The following RPS6KA2 variants were observed in gnomAD, a reference collection of about 807,000 sequenced individuals.
RPS6KA2 encodes the protein ribosomal protein S6 kinase alpha-2.
RPS6KA2 carries 42 observed loss-of-function variants against 91.8 expected under a neutral mutation model. That is an observed-to-expected ratio of 0.46 (90% CI 0.36 to 0.59). The LOEUF (loss-of-function observed/expected upper bound fraction) is 0.59, where lower values mean the gene tolerates loss of function less well. Among genes scored for constraint, RPS6KA2 ranks in the 20% least tolerant of loss-of-function variants. The pLI, the probability that RPS6KA2 is intolerant of heterozygous loss-of-function variation, is 0.00. For synonymous variants in RPS6KA2, 414 were observed against 393.6 expected (o/e 1.05, Z -0.61); for missense variants, 798 against 978.5 (o/e 0.82, Z 2.46).
intron 2 of RPS6KA2, among the ~76,000 whole-genome samples, chr6:166,707,742 C>G (rs374996931): frequency 3.7e-4 from 57 of 152,118 alleles, no homozygotes; most frequent in East Asian, 1.5e-3. Context: ...TTCTTTCTCT[C>G]TCTCTCTCTC....
chr6:166,672,799 GA>G lies in RPS6KA2; in HGVS notation c.124-134016del, dbSNP rs1788507429. On this transcript the variant is annotated intron_variant, in intron 2 of 21. Transcript: ENST00000503859. The stretch of plus-strand genomic sequence containing the variant: ...CTGCTTCTGTGTGTAGTGGGGACAG[GA>G]AATCCTTGCCTCCTTCACAGATATT... Among the ~76,000 whole-genome samples the G allele has an allele frequency of 3.9e-5, 6 of 152,214 alleles. No individual in the cohort carries two copies. The South Asian group carries it at 1.2e-3, about 32-fold the overall frequency.
intron 2 of RPS6KA2, among the ~76,000 whole-genome samples, chr6:166,691,140 T>C (rs1789195566): frequency 2.0e-5 from 3 of 152,128 alleles, no homozygotes; most frequent in Admixed American, 1.3e-4. Flanking sequence ...GTCATAATGT[T>C]GCTTCTCCTT....
At chr6:166,820,813 AAAGT>A (rs1478412226) in intron 2 of RPS6KA2, among the ~76,000 whole-genome samples, 3 of 152,364 alleles carry the variant, frequency 2.0e-5, no homozygotes, top group Non-Finnish European at 2.9e-5. Flanking sequence ...TCCTTAACAA[AAAGT>A]AATTAACCCA....
Position 166,682,493 on chromosome 6 carries a change from G to A in RPS6KA2, c.124-143709C>T, listed in dbSNP as rs534513244. On this transcript the variant is annotated intron_variant, in intron 2 of 21. Transcript: ENST00000503859. Reference sequence around the variant, plus strand: ...ATAGAGAGGGTGAGACAGCCCTGGGGAAAGGCAGGGGCAGGGAGCAAGCTC... The same window carrying A: ...ATAGAGAGGGTGAGACAGCCCTGGGAAAAGGCAGGGGCAGGGAGCAAGCTC... 2.3e-4 allele frequency among the ~76,000 whole-genome samples: 35 copies of A among 152,294 alleles called. No individual in the cohort carries two copies. The South Asian group carries it at 7.0e-3, about 31-fold the overall frequency.
At chr6:166,743,371 C>A (rs1327929498) in intron 2 of RPS6KA2, among the ~76,000 whole-genome samples, 2 of 152,216 alleles carry the variant, frequency 1.3e-5, no homozygotes, top group African/African-American at 4.8e-5. Flanking sequence ...GCCCACAGAA[C>A]GCCCAGCAAC....
intron 10 of RPS6KA2, among the ~76,000 whole-genome samples, chr6:166,478,635 C>T (rs541374416): frequency 2.0e-4 from 31 of 152,320 alleles, no homozygotes; most frequent in Middle Eastern, 3.4e-3. Context: ...TGTGGCTCCT[C>T]GGCTATTGTG....
At chr6:166,523,879 A>G (rs1311216839) in intron 3 of RPS6KA2, among the ~76,000 whole-genome samples, 1 of 152,160 alleles carries the variant, frequency 6.6e-6, no homozygotes, top group Non-Finnish European at 1.5e-5. Flanking sequence ...AGGAGGTTCT[A>G]TTTCAAGATG....
Position 166,500,759 on chromosome 6 carries a change from CA to C in RPS6KA2, c.604+127del. 1 of 853,498 alleles carries C rather than the reference CA, an allele frequency of 1.2e-6. No individual in the cohort carries two copies. Among genetic ancestry groups the C allele is most frequent in the African/African-American group, 1.7e-5 (1 of 59,206 alleles). 52.9% of individuals were successfully genotyped at this position (853,498 alleles called of 1,614,324 possible). A position where few individuals can be genotyped will look rare whatever the true frequency, so the allele number is the denominator to read the frequency against. On this transcript the variant is annotated intron_variant, in intron 7 of 20. Coordinates refer to ENST00000265678, the MANE Select transcript of RPS6KA2 (RefSeq NM_021135.6). This position sits in a 1 kb window ranked among gnomAD's most constrained non-coding sequence, Gnocchi z 4.3. ...AGTCTGTAGCTATAGAAAATTCTGC[CA>C]AATCAGAGACAAGCATCTGGCAAAG...
upstream of RPS6KA2, among the ~76,000 whole-genome samples, chr6:166,629,726 TAA>T (rs1361684333): frequency 6.6e-6 from 1 of 152,158 alleles, no homozygotes; most frequent in Non-Finnish European, 1.5e-5. Context: ...GAAGAGAAGA[TAA>T]AGAGCTTGGT....
At chr6:166,503,732 A>C (rs886718555) in intron 6 of RPS6KA2, among the ~76,000 whole-genome samples, 23 of 152,252 alleles carry the variant, frequency 1.5e-4, no homozygotes, top group African/African-American at 5.5e-4. Context: ...GATCACTCCT[A>C]GTTATGTGTC....
chr6:166,660,391 TGC>T (rs1554244387), intron 2 of RPS6KA2, among the ~76,000 whole-genome samples: 63 of 86,196 alleles, frequency 7.3e-4, no homozygotes, highest in Non-Finnish European at 1.1e-3. Context: ...TGTATGGGCA[TGC>T]GTGCGTGTGT....
chr6:166,753,590 C>T (rs1278651825), intron 2 of RPS6KA2, among the ~76,000 whole-genome samples: 1 of 152,174 alleles, frequency 6.6e-6, no homozygotes, highest in Admixed American at 6.5e-5. Context: ...TAAAATCACA[C>T]AGCAGTTTAA....
In RPS6KA2 at chr6:166,787,853, G is replaced by A. The variant is rs4710099; in HGVS notation, c.123+70347C>T. ...TCTAATCAAACTAAAGAGCTTCTGC[G>A]CAGCAAAAGAAACTAGCATCAGACT... On this transcript the variant is annotated intron_variant, in intron 2 of 21. Transcript: ENST00000503859. Among the ~76,000 whole-genome samples, 5,254 of 151,606 alleles carry A rather than the reference G, an allele frequency of 0.035. 505 individuals carry two copies. The East Asian group carries it at 0.38, about 11-fold the overall frequency.
chr6:166,422,056 C>T (rs1198769947), intron 17 of RPS6KA2, among the ~76,000 whole-genome samples: 3 of 152,098 alleles, frequency 2.0e-5, no homozygotes, highest in Non-Finnish European at 4.4e-5. Context: ...CACACCACCA[C>T]ACCTGGCTAA....
At chr6:166,464,690 T>C (rs1408342521) in intron 11 of RPS6KA2, among the ~76,000 whole-genome samples, 1 of 152,236 alleles carries the variant, frequency 6.6e-6, no homozygotes, top group Non-Finnish European at 1.5e-5. Context: ...GTTCTCAGCA[T>C]GCTTCAGCCA....
rs1035035928 is a variant in RPS6KA2 at position 166,665,478 on chromosome 6, T to G, written c.124-126694A>C. Among the ~76,000 whole-genome samples the G allele has an allele frequency of 2.1e-4, 30 of 142,976 alleles. No individual in the cohort carries two copies. Among genetic ancestry groups the G allele is most frequent in the Non-Finnish European group, 6.1e-5 (4 of 65,572 alleles). The allele number at this position is 142,976 out of a possible 152,430, so 93.8% of individuals were successfully genotyped here. A position where few individuals can be genotyped will look rare whatever the true frequency, so the allele number is the denominator to read the frequency against. On this transcript the variant is annotated intron_variant, in intron 2 of 21. Transcript: ENST00000503859. This position sits in a 1 kb window ranked among gnomAD's most constrained non-coding sequence, Gnocchi z 4.5. ...AATCTCCAGGAGCCCAGTCCCACCC[T>G]CCCCTCTGAGAAGACCCCCATGTGA...
intron 2 of RPS6KA2, among the ~76,000 whole-genome samples, chr6:166,722,327 CG>C (rs139138039): frequency 0.012 from 1,881 of 152,306 alleles, 47 homozygotes; most frequent in African/African-American, 0.041. Context: ...AGTGGAAAAG[CG>C]TTTTGTAAGG....
chr6:166,522,308 A>C (rs1455107898), intron 3 of RPS6KA2, among the ~76,000 whole-genome samples: 3 of 152,230 alleles, frequency 2.0e-5, no homozygotes, highest in Non-Finnish European at 4.4e-5. Context: ...GTGTAAATGC[A>C]CCTAAGGAAA....
chr6:166,445,114 C>T lies in RPS6KA2; in HGVS notation c.1332+3610G>A, dbSNP rs1779636515. ...TGATATTCTAAGAATGTGAGAAGTA[C>T]TATGATTCCATACTCACTATGAACC... On this transcript the variant is annotated intron_variant, in intron 14 of 20. Transcript: ENST00000265678. The surrounding 1 kb of genome is among the most constrained non-coding windows in gnomAD (Gnocchi z 4.5). Among the ~76,000 whole-genome samples the T allele has an allele frequency of 6.6e-6, 1 of 152,124 alleles. No homozygotes were observed. The highest frequency in any genetic ancestry group is 2.1e-4 in the South Asian group (1 of 4,812).
Sources: gnomAD v4.1 joint callset for allele counts (sites outside exome capture counted in the v4.1 genomes callset) on GRCh38, gnomAD v4.1.1 for gene constraint, Gnocchi (gnomAD v3.1) non-coding constraint, MANE v1.5 for transcripts, NCBI Gene and HGNC (gene_info 2026-07-23, HGNC 2026-07-21) for gene names.